The following SESN1 variants were observed in gnomAD, a reference collection of about 807,000 sequenced individuals.
The protein encoded by SESN1 is sestrin-1.
SESN1 carries 30 observed loss-of-function variants against 59.3 expected under a neutral mutation model. That is an observed-to-expected ratio of 0.51 (90% CI 0.38 to 0.69). The LOEUF (loss-of-function observed/expected upper bound fraction) is 0.69, where lower values mean the gene tolerates loss of function less well. Among genes scored for constraint, SESN1 ranks in the 30% least tolerant of loss-of-function variants. The probability of loss-of-function intolerance (pLI) is 0.00; values close to 1 mark genes in which losing one functional copy is unlikely to be tolerated. For synonymous variants in SESN1, 197 were observed against 219.9 expected (o/e 0.90, Z 0.92); for missense variants, 566 against 673.0 (o/e 0.84, Z 1.76).
chr6:109,085,587 T>C (rs563183496), intron 1 of SESN1, among the ~76,000 whole-genome samples: 6 of 152,140 alleles, frequency 3.9e-5, no homozygotes, highest in Non-Finnish European at 8.8e-5. Flanking sequence ...TGAAATCTGA[T>C]TTCCTGAGTA....
intron 1 of SESN1, among the ~76,000 whole-genome samples, chr6:109,088,489 G>A (rs1316314346): frequency 6.6e-6 from 1 of 151,514 alleles, no homozygotes; most frequent in Non-Finnish European, 1.5e-5. Flanking sequence ...GAGGTGGGGG[G>A]GTAATAATCA....
In SESN1 at chr6:108,985,320, C is replaced by T. The variant is rs1298162968; in HGVS notation, c.*2224G>A. Among the ~76,000 whole-genome samples the T allele has an allele frequency of 6.6e-6, 1 of 152,122 alleles. No individual in the cohort carries two copies. The highest frequency in any genetic ancestry group is 1.5e-5 in the Non-Finnish European group (1 of 68,010). Reference sequence around the variant, plus strand: ...ATTTTAACTCTTGAATCCTGGGACCCTCAACCAGAAATCTTCTCATGATTA... The same window carrying T: ...ATTTTAACTCTTGAATCCTGGGACCTTCAACCAGAAATCTTCTCATGATTA... On this transcript the variant is annotated 3_prime_UTR_variant, in exon 10 of 10. Transcript: ENST00000436639.
intron 1 of SESN1, among the ~76,000 whole-genome samples, chr6:109,031,500 C>G (rs1414669882): frequency 6.6e-6 from 1 of 152,128 alleles, no homozygotes; most frequent in African/African-American, 2.4e-5. Context: ...AAGTCTTTCC[C>G]CTCTAATCAT....
chr6:109,080,342 T>G (rs1412786170), intron 1 of SESN1, among the ~76,000 whole-genome samples: 2 of 152,310 alleles, frequency 1.3e-5, no homozygotes, highest in East Asian at 3.9e-4. Flanking sequence ...AATTTTCTTT[T>G]AGGTAGTGCA....
intron 1 of SESN1, among the ~76,000 whole-genome samples, chr6:109,019,431 A>C (rs1162517199): frequency 6.6e-6 from 1 of 152,240 alleles, no homozygotes; most frequent in African/African-American, 2.4e-5. Flanking sequence ...TAAAGAGAAA[A>C]AGCTGTTGGA....
At chr6:108,991,087 A>AAAAAAACT (rs1479908643) in intron 7 of SESN1, among the ~76,000 whole-genome samples, 3 of 152,134 alleles carry the variant, frequency 2.0e-5, no homozygotes, top group African/African-American at 7.2e-5. Flanking sequence ...AACAACAAAA[A>AAAAAAACT]AAAACTAATA....
At chr6:109,068,486 A>G (rs150580282) in intron 1 of SESN1, among the ~76,000 whole-genome samples, 2 of 152,106 alleles carry the variant, frequency 1.3e-5, no homozygotes, top group East Asian at 3.9e-4. Flanking sequence ...AGTTCAGGGA[A>G]CTCTCCAAGA....
At chr6:109,028,608 G>A (rs1449403968) in intron 1 of SESN1, among the ~76,000 whole-genome samples, 3 of 152,174 alleles carry the variant, frequency 2.0e-5, no homozygotes, top group Admixed American at 6.5e-5. Flanking sequence ...GGTTAAACAA[G>A]ATGGTTCTAC....
chr6:109,030,705 A>G (rs1780169944), intron 1 of SESN1, among the ~76,000 whole-genome samples: 1 of 152,258 alleles, frequency 6.6e-6, no homozygotes, highest in African/African-American at 2.4e-5. Flanking sequence ...TTATGGTTCT[A>G]CCTAGGGACT....
At chr6:109,002,392 G>T in intron 1 of SESN1, 49 bp from the exon 2 acceptor site, 1 of 1,448,144 alleles carries the variant, frequency 6.9e-7, no homozygotes, top group Non-Finnish European at 9.7e-7. Flanking sequence ...TAAACAAAAT[G>T]AACTGAGGCT....
At chr6:109,006,466 A>G (rs1206275970) in intron 1 of SESN1, among the ~76,000 whole-genome samples, 3 of 108,026 alleles carry the variant, frequency 2.8e-5, no homozygotes, top group African/African-American at 1.1e-4. Flanking sequence ...ACCCCACGAC[A>G]GGCCCCGGTG....
chr6:108,984,648 T>TAA lies in SESN1; in HGVS notation c.*2894_*2895dup, dbSNP rs1366337854. Among the ~76,000 whole-genome samples, 1 of 152,244 alleles carries TAA rather than the reference T, an allele frequency of 6.6e-6. No individual in the cohort carries two copies. Among genetic ancestry groups the TAA allele is most frequent in the African/African-American group, 2.4e-5 (1 of 41,464 alleles). ...ATATCCCCTTGGTTAGGTTTATTCCTAAGTATTTTATTCTTTTTGATCCTA... is the reference window on the plus strand; with the variant it reads ...ATATCCCCTTGGTTAGGTTTATTCCTAAAAGTATTTTATTCTTTTTGATCCTA... On this transcript the variant is annotated 3_prime_UTR_variant, in exon 10 of 10. Transcript: ENST00000436639.
chr6:109,093,843 G>A lies in SESN1; in HGVS notation c.231C>T (p.Pro77=), dbSNP rs142023865. 35 of 1,614,052 alleles carry A rather than the reference G, an allele frequency of 2.2e-5. No homozygotes were observed. The African/African-American group carries it at 4.0e-4, about 18-fold the overall frequency. ...CACTTTTCTCTCTCACATCTTTGAA[G>A]GGACACCTCTTAGAAAGCATAAGCA... is the stretch of plus-strand genomic sequence containing the variant. ...AHLLMLSKRC[P]FKDVREKSEF... Residue 77 remains proline (P), a synonymous_variant, in exon 1 of 10, where the codon CCC becomes CCT. Transcript: ENST00000436639.
chr6:109,031,773 T>C (rs1280875464), intron 1 of SESN1, among the ~76,000 whole-genome samples: 1 of 152,156 alleles, frequency 6.6e-6, no homozygotes, highest in East Asian at 1.9e-4. Context: ...TAAAGAAGTA[T>C]ATAGTCAGGA....
chr6:109,058,667 A>G (rs572911662), intron 1 of SESN1, among the ~76,000 whole-genome samples: 27 of 152,266 alleles, frequency 1.8e-4, no homozygotes, highest in Non-Finnish European at 3.4e-4. Context: ...AGATCTAGTG[A>G]CCTTCTTTTG....
chr6:109,043,427 T>C (rs1007488520), intron 1 of SESN1, among the ~76,000 whole-genome samples: 16 of 152,056 alleles, frequency 1.1e-4, no homozygotes, highest in African/African-American at 3.9e-4. Flanking sequence ...AAATAACAAC[T>C]GTCCCTACTT....
At chr6:108,994,698 C>CTTTTTTTTTTTTTTTTTT (rs11395949) in intron 5 of SESN1, 89 bp from the exon 6 acceptor site, 1 of 274,832 alleles carries the variant, frequency 3.6e-6, no homozygotes, top group African/African-American at 2.9e-5. Context: ...GAATTTATAT[C>CTTTTTTTTTTTTTTTTTT]TTTTTTTTTT....
intron 1 of SESN1, among the ~76,000 whole-genome samples, chr6:109,080,248 T>C (rs1012392908): frequency 6.6e-6 from 1 of 152,194 alleles, no homozygotes; most frequent in Non-Finnish European, 1.5e-5. Flanking sequence ...GCCAGCACTG[T>C]CATGGCAACA....
intron 1 of SESN1, among the ~76,000 whole-genome samples, chr6:109,081,472 G>T (rs1401894457): frequency 6.6e-6 from 1 of 152,090 alleles, no homozygotes. Flanking sequence ...AGATAAAATG[G>T]GAATAAAAAT....
Sources: allele counts gnomAD v4.1 joint callset (sites outside exome capture counted in the v4.1 genomes callset), GRCh38; gene constraint gnomAD v4.1.1; transcripts MANE v1.5; gene names NCBI Gene and HGNC (gene_info 2026-07-23, HGNC 2026-07-21).